Variants in INPP5D observed in about 807,000 individuals in gnomAD.
The protein encoded by INPP5D is inositol polyphosphate-5-phosphatase D, also known as phosphatidylinositol 3,4,5-trisphosphate 5-phosphatase 1.
A neutral mutation model predicts 122.9 loss-of-function variants in INPP5D; 33 were observed. The ratio of observed to expected loss-of-function variants is 0.27; its 90% CI spans 0.20 to 0.36. The LOEUF (loss-of-function observed/expected upper bound fraction) is 0.36. Among genes scored for constraint, INPP5D ranks in the 10% least tolerant of loss-of-function variants. The pLI is 1.00. For missense variants in INPP5D, 1,053 were observed against 1,412.7 expected, an observed-to-expected ratio of 0.75 and a Z score of 4.08; for synonymous variants, 584 against 576.2, an observed-to-expected ratio of 1.01 and a Z score of -0.19.
intron 2 of INPP5D, among the ~76,000 whole-genome samples, chr2:233,102,934 C>T (rs1692360255): frequency 6.6e-6 from 1 of 152,024 alleles, no homozygotes; most frequent in South Asian, 2.1e-4. Context: ...TCCCTTCTGT[C>T]CCCATATTGC....
chr2:233,159,724 C>T (rs1008363351), intron 10 of INPP5D, among the ~76,000 whole-genome samples: 1 of 149,558 alleles, frequency 6.7e-6, no homozygotes, highest in Non-Finnish European at 1.5e-5. Context: ...GATTGCAGCG[C>T]AATAAGGGTG....
chr2:233,147,574 AG>A lies in INPP5D; in HGVS notation c.1011del (p.Lys337AsnfsTer18). The stretch of plus-strand genomic sequence containing the variant: ...AAGTCCAAGGATGGTTCTGAGGACA[AG>A]TTCTACAGCCACAAGAAAAGTAAGA... ...IKKSKDGSEDKFYSHKKILQL... is the reference protein window; with the variant it reads ...IKKSKDGSEDXFYSHKKILQL... On this transcript the variant is annotated frameshift_variant, in exon 9 of 27. Coordinates refer to ENST00000445964, the MANE Select transcript of INPP5D (RefSeq NM_001017915.3). LOFTEE classifies it high-confidence loss of function. 1.4e-6 allele frequency: 1 copy of A among 704,304 alleles called. No homozygotes were observed. Among genetic ancestry groups the A allele is most frequent in the Non-Finnish European group, 2.6e-6 (1 of 384,998 alleles). 43.6% of individuals were successfully genotyped at this position (704,304 alleles called of 1,614,324 possible). A position where few individuals can be genotyped will look rare whatever the true frequency, so the allele number is the denominator to read the frequency against.
At chr2:233,096,028 A>G (rs1692130555) in intron 2 of INPP5D, among the ~76,000 whole-genome samples, 2 of 152,270 alleles carry the variant, frequency 1.3e-5, no homozygotes, top group African/African-American at 4.8e-5. Context: ...CAGTTGAACG[A>G]TAATGGATGG....
Position 233,189,942 on chromosome 2 carries a change from G to A in INPP5D, c.2446+5G>A, listed in dbSNP as rs989594975. 2 of 1,613,056 alleles carry A rather than the reference G, an allele frequency of 1.2e-6. No individual in the cohort carries two copies. Among genetic ancestry groups the A allele is most frequent in the African/African-American group, 1.3e-5 (1 of 75,028 alleles). ...CTGACAGCGACGAATCCTATGGTAA[G>A]GGTCTGTGGGCAGGTGCCACACCTG... On this transcript the variant is annotated splice_donor_5th_base_variant and intron_variant, in intron 22 of 26. Transcript: ENST00000445964. This position sits in a 1 kb window ranked among gnomAD's most constrained non-coding sequence, Gnocchi z 5.6.
chr2:233,122,259 T>G lies in INPP5D; in HGVS notation c.349+2T>G, dbSNP rs199879367. On this transcript the variant is annotated splice_donor_variant, in intron 3 of 26. Coordinates refer to ENST00000445964, the MANE Select transcript of INPP5D (RefSeq NM_001017915.3). LOFTEE classifies it high-confidence loss of function. The stretch of plus-strand genomic sequence containing the variant: ...GCGACGACCCTGAGGAGGACACAGG[T>G]AGGGAGGGAGGGACAGGACGGCAGG... The G allele has an allele frequency of 1.5e-4, 234 of 1,612,396 alleles. No individual in the cohort carries two copies. Among genetic ancestry groups the G allele is most frequent in the Non-Finnish European group, 1.9e-4 (226 of 1,179,384 alleles).
At chr2:233,123,772 A>G (rs1481973915) in intron 3 of INPP5D, among the ~76,000 whole-genome samples, 1 of 152,252 alleles carries the variant, frequency 6.6e-6, no homozygotes, top group African/African-American at 2.4e-5. Flanking sequence ...TACACCATGG[A>G]ATACTATGCA....
chr2:233,200,441 C>T (rs182801131), intron 25 of INPP5D, among the ~76,000 whole-genome samples: 39 of 152,356 alleles, frequency 2.6e-4, no homozygotes, highest in Middle Eastern at 3.4e-3. Context: ...GGGGTTCACT[C>T]TCAGCCTCTC....
chr2:233,070,002 A>C (rs1488516909), intron 1 of INPP5D, among the ~76,000 whole-genome samples: 1 of 152,186 alleles, frequency 6.6e-6, no homozygotes, highest in African/African-American at 2.4e-5. Flanking sequence ...GAATATTTTC[A>C]TTTCAAAACA....
In INPP5D at chr2:233,115,793, G is replaced by T. The variant is rs1692771208; in HGVS notation, c.199-6314G>T. Among the ~76,000 whole-genome samples the T allele has an allele frequency of 3.3e-5, 5 of 152,188 alleles. No homozygotes were observed. In the South Asian group the frequency reaches 1.0e-3, roughly 31 times the overall value. On this transcript the variant is annotated intron_variant, in intron 2 of 26. Transcript: ENST00000445964. Reference sequence around the variant, plus strand: ...ACACAGTGGTGGGGGCTGCCATTATGTCATTATGTTTGCAACCAAACTTCT... The same window carrying T: ...ACACAGTGGTGGGGGCTGCCATTATTTCATTATGTTTGCAACCAAACTTCT...
intron 5 of INPP5D, among the ~76,000 whole-genome samples, chr2:233,137,352 T>TA (rs1693491866): frequency 1.3e-5 from 2 of 151,284 alleles, no homozygotes; most frequent in Non-Finnish European, 2.9e-5. Flanking sequence ...AAAATCATTT[T>TA]TAAAAAAAAG....
intron 21 of INPP5D, among the ~76,000 whole-genome samples, chr2:233,186,660 T>A (rs1216742926): frequency 7.9e-6 from 1 of 126,536 alleles, no homozygotes; most frequent in Admixed American, 8.4e-5. Flanking sequence ...TTTTTTTCTC[T>A]TGTTTTTTTT....
In INPP5D at chr2:233,198,510, G is replaced by GCCTGAACACAGCAGGCC. The variant is rs1695245448; in HGVS notation, c.2975+140_2975+156dup. The GCCTGAACACAGCAGGCC allele has an allele frequency of 2.9e-6, 4 of 1,374,918 alleles. No homozygotes were observed. In the Admixed American group the frequency reaches 8.5e-5, roughly 29 times the overall value. 85.2% of individuals were successfully genotyped at this position (1,374,918 alleles called of 1,614,324 possible). A position where few individuals can be genotyped will look rare whatever the true frequency, so the allele number is the denominator to read the frequency against. On this transcript the variant is annotated intron_variant, in intron 25 of 26. Transcript: ENST00000445964. Reference sequence around the variant, plus strand: ...ACTTGGCTCATGACTTATCCCTGGGGCCTGAACACAGCAGGCCCCTGACAT... The same window carrying GCCTGAACACAGCAGGCC: ...ACTTGGCTCATGACTTATCCCTGGGGCCTGAACACAGCAGGCCCCTGAACACAGCAGGCCCCTGACAT...
chr2:233,079,792 T>C (rs910722721), intron 2 of INPP5D, among the ~76,000 whole-genome samples: 71 of 152,194 alleles, frequency 4.7e-4, no homozygotes, highest in African/African-American at 1.5e-3. Flanking sequence ...GAACAGACCG[T>C]GTTTTCTGAG....
chr2:233,069,049 G>T (rs561406743), intron 1 of INPP5D, among the ~76,000 whole-genome samples: 1 of 152,256 alleles, frequency 6.6e-6, no homozygotes, highest in Non-Finnish European at 1.5e-5. Flanking sequence ...AAGGAGCACA[G>T]CATGTTCCAT....
intron 2 of INPP5D, among the ~76,000 whole-genome samples, chr2:233,120,167 C>T (rs564622354): frequency 5.5e-4 from 84 of 152,302 alleles, no homozygotes; most frequent in Middle Eastern, 3.4e-3. Flanking sequence ...CCAAGGATGG[C>T]GCCTTCTCAA....
intron 2 of INPP5D, among the ~76,000 whole-genome samples, chr2:233,081,494 G>A (rs1447043829): frequency 2.0e-5 from 3 of 152,154 alleles, no homozygotes; most frequent in African/African-American, 2.4e-5. Flanking sequence ...TAGTAGAGTC[G>A]GCACCCGCCG....
At chr2:233,132,302 T>C (rs558432959) in intron 5 of INPP5D, among the ~76,000 whole-genome samples, 1 of 152,372 alleles carries the variant, frequency 6.6e-6, no homozygotes, top group East Asian at 1.9e-4. Context: ...TCCCTCAGTC[T>C]TCCCCAGACA....
intron 1 of INPP5D, among the ~76,000 whole-genome samples, chr2:233,069,298 G>A (rs55827216): frequency 0.029 from 4,347 of 152,244 alleles, 168 homozygotes; most frequent in African/African-American, 0.087. Flanking sequence ...GCTGTCAGTG[G>A]CAATGGAGAA....
At chr2:233,103,166 T>A (rs904210345) in intron 2 of INPP5D, among the ~76,000 whole-genome samples, 3 of 152,160 alleles carry the variant, frequency 2.0e-5, no homozygotes, top group Non-Finnish European at 4.4e-5. Context: ...AAACACCCCA[T>A]GTATGCCTTG....
Sources: allele counts gnomAD v4.1 joint callset (sites outside exome capture counted in the v4.1 genomes callset), GRCh38; gene constraint gnomAD v4.1.1; non-coding constraint Gnocchi (gnomAD v3.1); transcripts MANE v1.5; gene names NCBI Gene and HGNC (gene_info 2026-07-23, HGNC 2026-07-21).